Variants in CEP162 observed in about 807,000 individuals in gnomAD.
CEP162 encodes centrosomal protein 162.
A neutral mutation model predicts 169.2 loss-of-function variants in CEP162; 141 were observed. That is an observed-to-expected ratio of 0.83 (90% CI 0.73 to 0.96). The LOEUF is 0.96. CEP162 is among the 40% of genes least tolerant of loss of function. The pLI is 0.00. For missense variants in CEP162, 1,600 were observed against 1,587.2 expected, an observed-to-expected ratio of 1.01 and a Z score of -0.14; for synonymous variants, 540 against 526.4, an observed-to-expected ratio of 1.03 and a Z score of -0.35.
chr6:84,221,433 G>T (rs1053549345), intron 2 of CEP162, among the ~76,000 whole-genome samples: 2 of 152,100 alleles, frequency 1.3e-5, no homozygotes, highest in African/African-American at 2.4e-5. Context: ...ACTTGATCAA[G>T]AATTTTTTTC....
At chr6:84,195,130 G>A (rs1486788606) in intron 9 of CEP162, 55 bp from the exon 10 acceptor site, 8 of 1,299,476 alleles carry the variant, frequency 6.2e-6, no homozygotes, top group Non-Finnish European at 4.2e-6. Flanking sequence ...ACATGAGAAC[G>A]ATAAAACACT....
chr6:84,208,073 G>T (rs1176374529), intron 6 of CEP162, among the ~76,000 whole-genome samples: 1 of 140,656 alleles, frequency 7.1e-6, no homozygotes, highest in African/African-American at 2.8e-5. Flanking sequence ...GTCTTAACTA[G>T]TACTTATGAA....
intron 25 of CEP162, among the ~76,000 whole-genome samples, chr6:84,129,200 T>C (rs138766489): frequency 0.024 from 3,683 of 152,306 alleles, 139 homozygotes; most frequent in African/African-American, 0.085. Context: ...CCTTTGGGTA[T>C]ATACCCAGTA....
At chr6:84,132,700 A>T (rs1230126523) in intron 25 of CEP162, among the ~76,000 whole-genome samples, 3 of 152,084 alleles carry the variant, frequency 2.0e-5, no homozygotes, top group Non-Finnish European at 1.5e-5. Flanking sequence ...CCATCAGGTG[A>T]TTTAAGGTCT....
At chr6:84,174,988 A>G (rs1260632021) in intron 14 of CEP162, 34 bp from the exon 15 acceptor site, 2 of 1,354,546 alleles carry the variant, frequency 1.5e-6, no homozygotes, top group Non-Finnish European at 2.0e-6. Flanking sequence ...ATTACAGTAG[A>G]CTTATGTATA....
chr6:84,172,345 G>A (rs1343350655), intron 16 of CEP162, among the ~76,000 whole-genome samples: 2 of 152,154 alleles, frequency 1.3e-5, no homozygotes, highest in Non-Finnish European at 2.9e-5. Context: ...TGAGATCAGA[G>A]GGAGAAGAGA....
intron 9 of CEP162, among the ~76,000 whole-genome samples, chr6:84,195,626 T>C (rs2099541807): frequency 6.6e-6 from 1 of 152,274 alleles, no homozygotes; most frequent in Non-Finnish European, 1.5e-5. Context: ...CACTTTATCT[T>C]AGCCAAAAGG....
intron 25 of CEP162, among the ~76,000 whole-genome samples, chr6:84,142,784 G>A (rs1040191227): frequency 2.3e-4 from 35 of 152,056 alleles, no homozygotes; most frequent in Admixed American, 2.1e-3. Context: ...CGTGCAAGTC[G>A]AAGTACAGTA....
chr6:84,143,132 A>G (rs148209711), intron 25 of CEP162, among the ~76,000 whole-genome samples: 29 of 152,214 alleles, frequency 1.9e-4, no homozygotes, highest in African/African-American at 4.6e-4. Flanking sequence ...ATAGTCACTG[A>G]ATATCTAGAT....
chr6:84,227,268 C>A (rs1588908993), intron 1 of CEP162, among the ~76,000 whole-genome samples: 1 of 152,206 alleles, frequency 6.6e-6, no homozygotes, highest in East Asian at 1.9e-4. Context: ...CAATACCCTC[C>A]CCATCGTGCA....
chr6:84,189,427 C>T (rs560689594), intron 11 of CEP162, among the ~76,000 whole-genome samples: 38 of 152,312 alleles, frequency 2.5e-4, no homozygotes, highest in African/African-American at 7.2e-4. Context: ...GCTGGAGTTC[C>T]GGGTGGGCAT....
rs75816196 is a variant in CEP162, at chr6:84,201,706, C to T, written c.718+31G>A. 3.4e-6 allele frequency: 4 copies of T among 1,160,806 alleles called. No homozygotes were observed. In the African/African-American group the frequency reaches 4.7e-5, roughly 14 times the overall value. The allele number at this position is 1,160,806 out of a possible 1,614,324, so 71.9% of individuals were successfully genotyped here. A position where few individuals can be genotyped will look rare whatever the true frequency, so the allele number is the denominator to read the frequency against. The stretch of plus-strand genomic sequence containing the variant: ...AATTCTGAACAGACTAATTTTTTGC[C>T]AACTAAAACATGAATATAAATAATA... On this transcript the variant is annotated intron_variant, in intron 8 of 26. Coordinates refer to ENST00000403245, the MANE Select transcript of CEP162 (RefSeq NM_014895.4).
chr6:84,217,427 T>C (rs1177510365), intron 3 of CEP162, among the ~76,000 whole-genome samples: 3 of 151,992 alleles, frequency 2.0e-5, no homozygotes, highest in Non-Finnish European at 4.4e-5. Context: ...CCAATCCACA[T>C]GAATACATGG....
intron 21 of CEP162, among the ~76,000 whole-genome samples, chr6:84,160,114 C>A (rs2099525166): frequency 6.6e-6 from 1 of 152,074 alleles, no homozygotes; most frequent in Non-Finnish European, 1.5e-5. Flanking sequence ...CATGACTTGA[C>A]TACAGAATCA....
intron 24 of CEP162, 48 bp from the exon 25 acceptor site, chr6:84,146,833 A>ACTAT (rs925456151): frequency 2.1e-6 from 2 of 949,970 alleles, no homozygotes; most frequent in African/African-American, 3.4e-5. Flanking sequence ...CTCCTTGAAC[A>ACTAT]CTATCTGAAA....
At chr6:84,213,499 G>T (rs1445619764) in intron 5 of CEP162, among the ~76,000 whole-genome samples, 2 of 152,198 alleles carry the variant, frequency 1.3e-5, no homozygotes, top group African/African-American at 4.8e-5. Context: ...TAAGCAAGGG[G>T]ACAAAGGAGC....
chr6:84,189,971 G>C (rs2099539089), intron 11 of CEP162, among the ~76,000 whole-genome samples: 1 of 152,098 alleles, frequency 6.6e-6, no homozygotes, highest in East Asian at 1.9e-4. Context: ...TGAGGACGTG[G>C]AGAGTCTTTA....
intron 24 of CEP162, among the ~76,000 whole-genome samples, chr6:84,148,472 T>C (rs185932335): frequency 8.4e-4 from 128 of 152,198 alleles, no homozygotes; most frequent in African/African-American, 2.7e-3. Context: ...GAGGTTGCAG[T>C]GAGCTGAGAC....
chr6:84,215,173 G>T, intron 5 of CEP162, 109 bp downstream of exon 5: 1 of 545,212 alleles, frequency 1.8e-6, no homozygotes, highest in African/African-American at 1.9e-5. Context: ...TAAAAAATAA[G>T]ATTTAAGTTT....
Sources: allele counts gnomAD v4.1 joint callset (sites outside exome capture counted in the v4.1 genomes callset), GRCh38; gene constraint gnomAD v4.1.1; transcripts MANE v1.5; gene names NCBI Gene and HGNC (gene_info 2026-07-23, HGNC 2026-07-21).